The following VWA8 variants were observed in gnomAD, a reference collection of about 807,000 sequenced individuals.
The protein encoded by VWA8 is von Willebrand factor A domain containing 8.
VWA8 carries 221 observed loss-of-function variants against 241.5 expected under a neutral mutation model. The ratio of observed to expected loss-of-function variants is 0.91; its 90% CI spans 0.82 to 1.02. The LOEUF (loss-of-function observed/expected upper bound fraction) is 1.02, where lower values mean the gene tolerates loss of function less well. Ranked by LOEUF, VWA8 falls within the 50% of genes least tolerant of loss-of-function variation. The pLI is 0.00. For synonymous variants in VWA8, 852 were observed against 827.1 expected (o/e 1.03, Z -0.52); for missense variants, 2,322 against 2,328.7 (o/e 1.00, Z 0.06).
intron 37 of VWA8, among the ~76,000 whole-genome samples, chr13:41,619,143 A>G (rs113106030): frequency 0.076 from 11,559 of 151,998 alleles, 910 homozygotes; most frequent in African/African-American, 0.2. Flanking sequence ...GTCCTATTTC[A>G]TTGAACAGTG....
intron 37 of VWA8, among the ~76,000 whole-genome samples, chr13:41,653,109 A>G (rs527808022): frequency 6.6e-6 from 1 of 152,362 alleles, no homozygotes; most frequent in South Asian, 2.1e-4. Context: ...GGTCCTAGCC[A>G]TTGCACAGAG....
At chr13:41,589,374 G>A (rs2044439962) in intron 41 of VWA8, among the ~76,000 whole-genome samples, 1 of 152,024 alleles carries the variant, frequency 6.6e-6, no homozygotes, top group Admixed American at 6.6e-5. Context: ...AAATCACTAA[G>A]GTTGTTTTAT....
intron 2 of VWA8, among the ~76,000 whole-genome samples, chr13:41,928,206 T>C (rs1273286603): frequency 6.6e-6 from 1 of 152,250 alleles, no homozygotes; most frequent in Non-Finnish European, 1.5e-5. Context: ...AGACAGAAAA[T>C]TGATAAGGAA....
At chr13:41,701,051 A>G (rs1167546970) in intron 28 of VWA8, among the ~76,000 whole-genome samples, 1 of 152,206 alleles carries the variant, frequency 6.6e-6, no homozygotes, top group East Asian at 1.9e-4. Flanking sequence ...TGGTTCATGT[A>G]ATCACCAAAC....
intron 17 of VWA8, among the ~76,000 whole-genome samples, chr13:41,794,102 A>AT (rs1357035672): frequency 6.6e-6 from 1 of 150,758 alleles, no homozygotes; most frequent in African/African-American, 2.4e-5. Flanking sequence ...TTTTCTTAAG[A>AT]TTGTCTTGGC....
chr13:41,641,273 G>A (rs760333710), intron 37 of VWA8, among the ~76,000 whole-genome samples: 4 of 151,914 alleles, frequency 2.6e-5, no homozygotes, highest in Non-Finnish European at 5.9e-5. Flanking sequence ...GATGTCCTGG[G>A]GTAAACAACT....
At chr13:41,949,910 T>C (rs1434634273) in intron 2 of VWA8, 26 bp downstream of exon 2, 3 of 1,372,906 alleles carry the variant, frequency 2.2e-6, no homozygotes, top group Non-Finnish European at 3.0e-6. Flanking sequence ...AAGTTATTCA[T>C]TCATATATTA....
rs544090328 is a variant in VWA8 at position 41,818,382 on chromosome 13, G to A, written c.1869+836C>T. On this transcript the variant is annotated intron_variant, in intron 15 of 44. Coordinates refer to ENST00000379310, the MANE Select transcript of VWA8 (RefSeq NM_015058.2). Reference sequence around the variant, plus strand: ...AGGCCAGGAGTTCAAGACCAGCCTGGCCAACATGGTGAAACCCCGTCTCTA... The same window carrying A: ...AGGCCAGGAGTTCAAGACCAGCCTGACCAACATGGTGAAACCCCGTCTCTA... 5.4e-5 allele frequency among the ~76,000 whole-genome samples: 8 copies of A among 149,486 alleles called. No individual in the cohort carries two copies. In the South Asian group the frequency reaches 1.1e-3, roughly 21 times the overall value.
chr13:41,707,366 G>A (rs957937748), intron 26 of VWA8, among the ~76,000 whole-genome samples: 1 of 152,130 alleles, frequency 6.6e-6, no homozygotes, highest in East Asian at 1.9e-4. Context: ...AAAAGATTTG[G>A]ATCTTTCTAG....
At chr13:41,608,188 C>T (rs2044565014) in intron 39 of VWA8, among the ~76,000 whole-genome samples, 1 of 152,048 alleles carries the variant, frequency 6.6e-6, no homozygotes, top group Non-Finnish European at 1.5e-5. Flanking sequence ...TCATGTTGCA[C>T]CCAAAACACA....
intron 32 of VWA8, among the ~76,000 whole-genome samples, chr13:41,690,976 G>T (rs967668389): frequency 5.9e-5 from 9 of 152,164 alleles, no homozygotes; most frequent in Admixed American, 5.9e-4. Flanking sequence ...CTCTAGGATA[G>T]AGACTGTGGC....
chr13:41,583,381 C>T (rs1430090231), intron 42 of VWA8, among the ~76,000 whole-genome samples: 6 of 152,216 alleles, frequency 3.9e-5, no homozygotes, highest in Admixed American at 6.5e-5. Context: ...CGGTGGCTCA[C>T]GCCTGTAATC....
intron 26 of VWA8, among the ~76,000 whole-genome samples, chr13:41,712,767 C>G (rs555918155): frequency 6.6e-6 from 1 of 152,130 alleles, no homozygotes; most frequent in East Asian, 1.9e-4. Context: ...ATCTGTAAAA[C>G]AGATTCAAAC....
intron 2 of VWA8, among the ~76,000 whole-genome samples, chr13:41,935,859 T>G (rs571417155): frequency 6.6e-6 from 1 of 152,082 alleles, no homozygotes; most frequent in South Asian, 2.1e-4. Flanking sequence ...GGTACAAAGA[T>G]GTAAGTCTAA....
intron 40 of VWA8, among the ~76,000 whole-genome samples, chr13:41,599,750 T>C (rs2044509749): frequency 6.6e-6 from 1 of 152,158 alleles, no homozygotes; most frequent in African/African-American, 2.4e-5. Flanking sequence ...TCATTTCTTA[T>C]TTTGTTTGGA....
chr13:41,590,703 C>G lies in VWA8; in HGVS notation c.5049G>C (p.Lys1683Asn), dbSNP rs1350468991. ...TTTCTCCAGTCAGCCCATCAATGATCTTGGCATCATCTAATTCTCCAGTAG... is the reference window on the plus strand; with the variant it reads ...TTTCTCCAGTCAGCCCATCAATGATGTTGGCATCATCTAATTCTCCAGTAG... Reference protein sequence around the residue: ...HQATGELDDAKIIDGLTGEKA... With the variant: ...HQATGELDDANIIDGLTGEKA... Residue 1683 changes from lysine to asparagine, a missense_variant, in exon 41 of 45, where the codon AAG becomes AAC. Transcript: ENST00000379310. 1.2e-6 allele frequency: 2 copies of G among 1,614,094 alleles called. No individual in the cohort carries two copies. The highest frequency in any genetic ancestry group is 1.1e-5 in the South Asian group (1 of 91,082).
At chr13:41,811,120 C>T in intron 17 of VWA8, 105 bp downstream of exon 17, 2 of 936,532 alleles carry the variant, frequency 2.1e-6, no homozygotes, top group Non-Finnish European at 1.6e-6. Context: ...TACATTCAGA[C>T]CAATATATTT....
At chr13:41,753,834 T>A (rs2045673183) in intron 21 of VWA8, among the ~76,000 whole-genome samples, 1 of 152,182 alleles carries the variant, frequency 6.6e-6, no homozygotes, top group Admixed American at 6.6e-5. Flanking sequence ...TTGAAAGGAA[T>A]CTAAAATAAA....
intron 4 of VWA8, among the ~76,000 whole-genome samples, chr13:41,895,223 A>G (rs1183495381): frequency 6.6e-6 from 1 of 152,118 alleles, no homozygotes; most frequent in Non-Finnish European, 1.5e-5. Context: ...ATTTAACCCT[A>G]TGACAGTCCT....
Sources: gnomAD v4.1 joint callset for allele counts (sites outside exome capture counted in the v4.1 genomes callset) on GRCh38, gnomAD v4.1.1 for gene constraint, MANE v1.5 for transcripts, NCBI Gene and HGNC (gene_info 2026-07-23, HGNC 2026-07-21) for gene names.